The following PAG1 variants were observed in gnomAD, a reference collection of about 807,000 sequenced individuals.
The protein encoded by PAG1 is phosphoprotein associated with glycosphingolipid-enriched microdomains 1.
A neutral mutation model predicts 31.7 loss-of-function variants in PAG1; 23 were observed. The observed-to-expected ratio is 0.73, with a 90% CI of 0.52 to 1.03. The LOEUF is 1.03. Ranked by LOEUF, PAG1 falls within the 50% of genes least tolerant of loss-of-function variation. The pLI, the probability that PAG1 is intolerant of heterozygous loss-of-function variation, is 0.00. For synonymous variants in PAG1, 214 were observed against 210.3 expected, an observed-to-expected ratio of 1.02 and a Z score of -0.15; for missense variants, 473 against 540.7, an observed-to-expected ratio of 0.87 and a Z score of 1.24.
rs944590922 is a variant in PAG1 at position 80,973,002 on chromosome 8, A to G, written c.*3542T>C. The stretch of plus-strand genomic sequence containing the variant: ...TGGTTAAGTAAATGCTCTAATTAGC[A>G]AAAATCATGAGAAATATATACAGTG... On this transcript the variant is annotated 3_prime_UTR_variant, in exon 9 of 9. Coordinates refer to ENST00000220597, the MANE Select transcript of PAG1 (RefSeq NM_018440.4). 4 of 151,884 alleles carry G rather than the reference A, an allele frequency of 2.6e-5. No individual in the cohort carries two copies. Among genetic ancestry groups the G allele is most frequent in the African/African-American group, 9.7e-5 (4 of 41,324 alleles). The allele number at this position is 151,884 out of a possible 1,614,324, so 9.4% of individuals were successfully genotyped here. A position where few individuals can be genotyped will look rare whatever the true frequency, so the allele number is the denominator to read the frequency against.
intron 2 of PAG1, among the ~76,000 whole-genome samples, chr8:81,038,716 C>T (rs1043854158): frequency 4.6e-5 from 7 of 152,142 alleles, no homozygotes; most frequent in African/African-American, 1.4e-4. Context: ...CAATCTTAGA[C>T]TTTCAATGCT....
chr8:81,019,218 T>G (rs1001592605), intron 3 of PAG1, among the ~76,000 whole-genome samples: 1 of 152,204 alleles, frequency 6.6e-6, no homozygotes, highest in Non-Finnish European at 1.5e-5. Flanking sequence ...AATAAAAGTT[T>G]GGAAAATTTG....
intron 5 of PAG1, among the ~76,000 whole-genome samples, chr8:80,989,500 C>T (rs1346991388): frequency 6.6e-6 from 1 of 152,150 alleles, no homozygotes. Flanking sequence ...TACATGGGTG[C>T]CAGTGTCCGG....
At chr8:81,046,671 C>CT (rs1003865131) in intron 2 of PAG1, among the ~76,000 whole-genome samples, 1 of 151,918 alleles carries the variant, frequency 6.6e-6, no homozygotes, top group East Asian at 1.9e-4. Context: ...TTTCTAAGGT[C>CT]TTTTTTTTAA....
chr8:80,995,557 A>G (rs1328124365), intron 3 of PAG1, among the ~76,000 whole-genome samples: 1 of 152,250 alleles, frequency 6.6e-6, no homozygotes, highest in Non-Finnish European at 1.5e-5. Context: ...AATATATAAA[A>G]TACATTTTTA....
At chr8:81,064,105 C>T (rs1489738815) in intron 2 of PAG1, among the ~76,000 whole-genome samples, 2 of 152,120 alleles carry the variant, frequency 1.3e-5, no homozygotes, top group East Asian at 1.9e-4. Flanking sequence ...GCTTCCACAC[C>T]GGGGTTGACT....
intron 2 of PAG1, among the ~76,000 whole-genome samples, chr8:81,048,292 G>A (rs1360490636): frequency 6.6e-6 from 1 of 151,826 alleles, no homozygotes; most frequent in East Asian, 1.9e-4. Flanking sequence ...GGGGGAGAAT[G>A]CTTTTTTCCC....
In PAG1 at chr8:81,082,269, A is replaced by AG. The variant is rs1188818353; in HGVS notation, c.-233-12100_-233-12099insC. ...CTCTGTCTCAAAAAAAAAAAAAAAA[A>AG]AAAAGAAAAGAAAAAAAAATCCTGA... On this transcript the variant is annotated intron_variant, in intron 1 of 8. Transcript: ENST00000220597. Among the ~76,000 whole-genome samples, 69 of 151,162 alleles carry AG rather than the reference A, an allele frequency of 4.6e-4. 2 individuals are homozygous for AG. The East Asian group carries it at 0.01, about 22-fold the overall frequency.
intron 1 of PAG1, among the ~76,000 whole-genome samples, chr8:81,073,910 G>T (rs944035166): frequency 1.3e-5 from 2 of 152,114 alleles, no homozygotes; most frequent in African/African-American, 2.4e-5. Context: ...CTGAAGGTGG[G>T]GGGGAGGCAG....
chr8:81,032,914 T>C (rs552598530), intron 2 of PAG1, among the ~76,000 whole-genome samples: 1 of 152,234 alleles, frequency 6.6e-6, no homozygotes, highest in African/African-American at 2.4e-5. Flanking sequence ...CTGGTACATG[T>C]TACAACATGG....
At chr8:81,032,592 T>C (rs923028376) in intron 2 of PAG1, among the ~76,000 whole-genome samples, 9 of 152,204 alleles carry the variant, frequency 5.9e-5, no homozygotes, top group African/African-American at 9.6e-5. Flanking sequence ...TAAGAGGATG[T>C]AGAGATATCA....
chr8:81,092,769 G>A (rs73282020), intron 1 of PAG1, among the ~76,000 whole-genome samples: 5,812 of 152,252 alleles, frequency 0.038, 372 homozygotes, highest in African/African-American at 0.13. Context: ...TAAGGACATG[G>A]GTCTGATTTA....
chr8:81,024,683 C>A (rs1808245421), intron 3 of PAG1, among the ~76,000 whole-genome samples: 1 of 152,234 alleles, frequency 6.6e-6, no homozygotes, highest in East Asian at 1.9e-4. Context: ...ACAGTTGTTT[C>A]TTTTAGGAAA....
chr8:81,104,101 C>T (rs952353420), intron 1 of PAG1, among the ~76,000 whole-genome samples: 1 of 152,174 alleles, frequency 6.6e-6, no homozygotes, highest in Admixed American at 6.5e-5. Flanking sequence ...ACCCACCTTC[C>T]ACATGGTAGG....
At chr8:81,107,444 A>G (rs1037200883) in intron 1 of PAG1, among the ~76,000 whole-genome samples, 1 of 152,220 alleles carries the variant, frequency 6.6e-6, no homozygotes, top group African/African-American at 2.4e-5. Context: ...CAGTGGCAGC[A>G]GAACGTTCTA....
At chr8:81,099,572 A>T (rs1285722662) in intron 1 of PAG1, among the ~76,000 whole-genome samples, 1 of 152,258 alleles carries the variant, frequency 6.6e-6, no homozygotes, top group Non-Finnish European at 1.5e-5. Context: ...TTGAAAAAGA[A>T]GATAGAAACT....
At chr8:80,997,771 T>C (rs1807709568) in intron 3 of PAG1, among the ~76,000 whole-genome samples, 1 of 151,866 alleles carries the variant, frequency 6.6e-6, no homozygotes, top group Admixed American at 6.6e-5. Flanking sequence ...TTAATTCTGT[T>C]TGCTATAAAA....
At chr8:81,007,773 T>C (rs146592735) in intron 3 of PAG1, among the ~76,000 whole-genome samples, 215 of 151,796 alleles carry the variant, frequency 1.4e-3, no homozygotes, top group African/African-American at 4.9e-3. Flanking sequence ...ACTAAGAGCA[T>C]AGACTATATT....
chr8:81,072,487 T>G (rs1213881009), intron 1 of PAG1, among the ~76,000 whole-genome samples: 3 of 152,188 alleles, frequency 2.0e-5, no homozygotes, highest in African/African-American at 7.2e-5. Context: ...AATATCCCCT[T>G]AGGAGCAAAA....
Sources: gnomAD v4.1 joint callset for allele counts (sites outside exome capture counted in the v4.1 genomes callset) on GRCh38, gnomAD v4.1.1 for gene constraint, MANE v1.5 for transcripts, NCBI Gene and HGNC (gene_info 2026-07-23, HGNC 2026-07-21) for gene names.